USP40: variants seen among roughly 807,000 people sequenced by gnomAD.
The protein encoded by USP40 is ubiquitin carboxyl-terminal hydrolase 40.
A neutral mutation model predicts 166.2 loss-of-function variants in USP40; 143 were observed. That is an observed-to-expected ratio of 0.86 (90% CI 0.75 to 0.99). The LOEUF is 0.99. USP40 is among the 50% of genes least tolerant of loss of function. The pLI, the probability that USP40 is intolerant of heterozygous loss-of-function variation, is 0.00. For missense variants in USP40, 1,444 were observed against 1,479.7 expected (o/e 0.98, Z 0.40); for synonymous variants, 498 against 524.0 (o/e 0.95, Z 0.68).
chr2:233,552,615 T>C (rs1158183679), intron 6 of USP40, among the ~76,000 whole-genome samples: 1 of 152,224 alleles, frequency 6.6e-6, no homozygotes, highest in African/African-American at 2.4e-5. Context: ...CTGAAGTTTA[T>C]ACACCAAAGT....
chr2:233,507,905 CA>C (rs2066541134), intron 21 of USP40, among the ~76,000 whole-genome samples: 1 of 151,900 alleles, frequency 6.6e-6, no homozygotes, highest in East Asian at 1.9e-4. Flanking sequence ...CTGATTTAAT[CA>C]TTATACAACA....
intron 31 of USP40, among the ~76,000 whole-genome samples, chr2:233,478,431 G>A (rs532119148): frequency 6.6e-6 from 1 of 152,312 alleles, no homozygotes; most frequent in Admixed American, 6.5e-5. Context: ...GTGAATGGCT[G>A]AGCATATTTT....
intron 6 of USP40, 29 bp downstream of exon 6, chr2:233,554,351 C>T (rs2070855077): frequency 6.3e-7 from 1 of 1,575,514 alleles, no homozygotes; most frequent in African/African-American, 1.4e-5. Flanking sequence ...AAGTGGGGAC[C>T]CTGGGAAAAA....
intron 30 of USP40, 115 bp from the exon 31 acceptor site, chr2:233,481,412 A>C: frequency 1.1e-6 from 1 of 897,166 alleles, no homozygotes; most frequent in Non-Finnish European, 1.7e-6. Context: ...TCAAATTTAC[A>C]TAAACTAGGT....
intron 18 of USP40, among the ~76,000 whole-genome samples, chr2:233,519,130 A>C (rs838547): frequency 0.41 from 61,856 of 152,028 alleles, 14,433 homozygotes; most frequent in African/African-American, 0.65. Flanking sequence ...GTACAGGGAT[A>C]TTTTTGGAGT....
intron 21 of USP40, among the ~76,000 whole-genome samples, chr2:233,503,956 C>G (rs1318814659): frequency 6.6e-6 from 1 of 152,028 alleles, no homozygotes; most frequent in African/African-American, 2.4e-5. Context: ...AAAACAACAA[C>G]AGTTACTATT....
intron 18 of USP40, among the ~76,000 whole-genome samples, chr2:233,515,063 T>C (rs1420430401): frequency 1.3e-5 from 2 of 152,250 alleles, no homozygotes; most frequent in East Asian, 3.8e-4. Context: ...GATGCATTCA[T>C]GTGTTGTATG....
Position 233,496,769 on chromosome 2 carries a change from G to C in USP40, c.2779C>G (p.Leu927Val). The C allele has an allele frequency of 6.2e-7, 1 of 1,612,242 alleles. No individual in the cohort carries two copies. The highest frequency in any genetic ancestry group is 1.7e-5 in the Admixed American group (1 of 59,948). The change falls in exon 24 of 32, where the codon CTT (leucine) becomes GTT (valine). Residue 927 changes from leucine to valine, a missense_variant. Physicochemically the swap from Leu to Val is conservative, Grantham distance 32. Coordinates refer to ENST00000678225, the MANE Select transcript of USP40 (RefSeq NM_001365479.2). ...AAGTAAAATCTTACCAGAGGAGGAA[G>C]TTGTCCTTCAATTAAAAGCAAAGTA... Reference protein sequence around the residue: ...GDTLLLIEGQLPPLGFLKVPI... With the variant: ...GDTLLLIEGQVPPLGFLKVPI...
intron 1 of USP40, among the ~76,000 whole-genome samples, chr2:233,566,360 GC>G (rs2125422544): frequency 6.6e-6 from 1 of 152,270 alleles, no homozygotes; most frequent in East Asian, 1.9e-4. Context: ...ATGACAGGAA[GC>G]GCTGAAATGC....
chr2:233,566,703 C>A lies in USP40; in HGVS notation c.-39G>T, dbSNP rs1301147897. 6 of 985,948 alleles carry A rather than the reference C, an allele frequency of 6.1e-6. No homozygotes were observed. Among genetic ancestry groups the A allele is most frequent in the African/African-American group, 1.7e-5 (1 of 57,258 alleles). The allele number at this position is 985,948 out of a possible 1,614,324, so 61.1% of individuals were successfully genotyped here. A position where few individuals can be genotyped will look rare whatever the true frequency, so the allele number is the denominator to read the frequency against. ...ACTTACTGCCTAAAGCCCAGACCCC[C>A]GCCCTGGCCAAAACGCGAAGCGAAC... On this transcript the variant is annotated 5_prime_UTR_variant, in exon 1 of 32. Transcript: ENST00000678225.
chr2:233,512,547 G>C (rs772441326), intron 19 of USP40, 22 bp downstream of exon 19: 2 of 1,553,900 alleles, frequency 1.3e-6, no homozygotes, highest in Admixed American at 1.9e-5. Flanking sequence ...GCCACCTTTT[G>C]AAAGTTATCA....
chr2:233,525,644 C>A, intron 13 of USP40, 82 bp from the exon 14 acceptor site: 2 of 1,008,924 alleles, frequency 2.0e-6, no homozygotes, highest in Non-Finnish European at 3.0e-6. Context: ...TGCCAACTCA[C>A]ATATGAAGAT....
intron 4 of USP40, 143 bp downstream of exon 4, chr2:233,559,668 G>A: frequency 1.9e-6 from 1 of 514,778 alleles, no homozygotes; most frequent in Non-Finnish European, 3.3e-6. Context: ...TTTCTGGCTT[G>A]TAATTTTTTA....
At chr2:233,494,585 G>T (rs2125082180) in intron 24 of USP40, among the ~76,000 whole-genome samples, 1 of 152,026 alleles carries the variant, frequency 6.6e-6, no homozygotes, top group Non-Finnish European at 1.5e-5. Flanking sequence ...AAGATTTTTG[G>T]CTGGGCTTGG....
rs1227656570 is a variant in USP40 at position 233,506,740 on chromosome 2, C to CAA, written c.2613+3307_2613+3308dup. Among the ~76,000 whole-genome samples the CAA allele has an allele frequency of 5.7e-3, 305 of 53,794 alleles. 1 individual carries two copies. The highest frequency in any genetic ancestry group is 0.013 in the Middle Eastern group (1 of 78). The allele number at this position is 53,794 out of a possible 152,430, so 35.3% of individuals were successfully genotyped here. A position where few individuals can be genotyped will look rare whatever the true frequency, so the allele number is the denominator to read the frequency against. ...TGAGACACTGCCTCTACCGAAAATA[C>CAA]AAAAAAAAAAAAAAAAAAAAAATAG... On this transcript the variant is annotated intron_variant, in intron 21 of 31. Transcript: ENST00000678225.
chr2:233,493,344 T>C lies in USP40; in HGVS notation c.2917+81A>G. Reference sequence around the variant, plus strand: ...ATCTTACGTTTTAAAAATAAATATATCAATTGACTCTCAGAGCACAGGCAG... The same window carrying C: ...ATCTTACGTTTTAAAAATAAATATACCAATTGACTCTCAGAGCACAGGCAG... On this transcript the variant is annotated intron_variant, in intron 25 of 31. Coordinates refer to ENST00000678225, the MANE Select transcript of USP40 (RefSeq NM_001365479.2). This position sits in a 1 kb window ranked among gnomAD's most constrained non-coding sequence, Gnocchi z 4.7. 1 of 1,578,196 alleles carries C rather than the reference T, an allele frequency of 6.3e-7. No individual in the cohort carries two copies. The highest frequency in any genetic ancestry group is 8.7e-7 in the Non-Finnish European group (1 of 1,152,336).
intron 26 of USP40, among the ~76,000 whole-genome samples, chr2:233,490,678 T>G (rs1351698349): frequency 1.3e-5 from 2 of 152,132 alleles, no homozygotes; most frequent in Admixed American, 1.3e-4. Context: ...AAACCCTCCT[T>G]CTCTGTGAAC....
rs368536892 is a variant in USP40 at position 233,476,083 on chromosome 2, G to A, written c.*1309C>T. 9 of 152,406 alleles carry A rather than the reference G, an allele frequency of 5.9e-5. No individual in the cohort carries two copies. Among genetic ancestry groups the A allele is most frequent in the Admixed American group, 2.0e-4 (3 of 15,288 alleles). 9.4% of individuals were successfully genotyped at this position (152,406 alleles called of 1,614,324 possible). A position where few individuals can be genotyped will look rare whatever the true frequency, so the allele number is the denominator to read the frequency against. ...CGCTCTCAGACACGTGTGCAGAAGC[G>A]ACGTGGCTTCTGTCTGGTAGGGGTT... is the stretch of plus-strand genomic sequence containing the variant. On this transcript the variant is annotated 3_prime_UTR_variant, in exon 32 of 32. Coordinates refer to ENST00000678225, the MANE Select transcript of USP40 (RefSeq NM_001365479.2).
chr2:233,554,097 A>C (rs2070829068), intron 6 of USP40, among the ~76,000 whole-genome samples: 1 of 152,192 alleles, frequency 6.6e-6, no homozygotes, highest in African/African-American at 2.4e-5. Context: ...ATAAAAATAT[A>C]TACAACTTTT....
Sources: gnomAD v4.1 joint callset for allele counts (sites outside exome capture counted in the v4.1 genomes callset) on GRCh38, gnomAD v4.1.1 for gene constraint, Gnocchi (gnomAD v3.1) non-coding constraint, MANE v1.5 for transcripts, NCBI Gene and HGNC (gene_info 2026-07-23, HGNC 2026-07-21) for gene names.